Variants in PPP3CB observed in about 807,000 individuals in gnomAD.
PPP3CB encodes the protein serine/threonine-protein phosphatase 2B catalytic subunit beta isoform.
A neutral mutation model predicts 66.4 loss-of-function variants in PPP3CB; 8 were observed. The observed-to-expected ratio is 0.12, with a 90% CI of 0.07 to 0.22. The LOEUF (loss-of-function observed/expected upper bound fraction) is 0.22. Ranked by LOEUF, PPP3CB falls within the 10% of genes least tolerant of loss-of-function variation. PPP3CB has a pLI of 1.00. For synonymous variants in PPP3CB, 208 were observed against 221.2 expected, an observed-to-expected ratio of 0.94 and a Z score of 0.53; for missense variants, 319 against 642.5, an observed-to-expected ratio of 0.50 and a Z score of 5.44.
intron 12 of PPP3CB, among the ~76,000 whole-genome samples, chr10:73,440,449 TG>T (rs2056125439): frequency 6.6e-6 from 1 of 152,330 alleles, no homozygotes; most frequent in African/African-American, 2.4e-5. Context: ...AAACATAAGC[TG>T]CAAGAGCTGA....
rs1022815433 is a variant in PPP3CB, at chr10:73,495,967, G to A, written c.-78C>T. The stretch of plus-strand genomic sequence containing the variant: ...GCGGCGGCTACCAGAGCCAAGCGGC[G>A]GCGCCGCCGGGGAACATGGCGGACC... On this transcript the variant is annotated 5_prime_UTR_variant, in exon 1 of 14. Transcript: ENST00000360663. 23 of 939,968 alleles carry A rather than the reference G, an allele frequency of 2.4e-5. No individual in the cohort carries two copies. The African/African-American group carries it at 3.1e-4, about 13-fold the overall frequency. The allele number at this position is 939,968 out of a possible 1,614,324, so 58.2% of individuals were successfully genotyped here. A position where few individuals can be genotyped will look rare whatever the true frequency, so the allele number is the denominator to read the frequency against.
At chr10:73,481,507 A>G (rs1325984009) in intron 1 of PPP3CB, among the ~76,000 whole-genome samples, 1 of 151,260 alleles carries the variant, frequency 6.6e-6, no homozygotes, top group Non-Finnish European at 1.5e-5. Context: ...ATCTCTGAGC[A>G]TATAGTATAC....
In PPP3CB at chr10:73,463,035, G is replaced by A. The variant is rs181556347; in HGVS notation, c.1108+4518C>T. ...ATTCCAATGAACATGAAGAACAGCA[G>A]TAACCTGAGTAAAGGGTTGTTGTAA... On this transcript the variant is annotated intron_variant, in intron 9 of 13. Transcript: ENST00000360663. Among the ~76,000 whole-genome samples, 249 of 148,938 alleles carry A rather than the reference G, an allele frequency of 1.7e-3. 1 individual carries two copies. The highest frequency in any genetic ancestry group is 5.9e-3 in the African/African-American group (240 of 40,530).
At chr10:73,486,361 G>A (rs1401946841) in intron 1 of PPP3CB, among the ~76,000 whole-genome samples, 4 of 133,574 alleles carry the variant, frequency 3.0e-5, no homozygotes, top group Non-Finnish European at 4.7e-5. Flanking sequence ...GCTGGCGTGC[G>A]ATGGTGCAAT....
intron 1 of PPP3CB, 134 bp downstream of exon 1, chr10:73,495,671 G>A: frequency 3.7e-6 from 5 of 1,341,094 alleles, no homozygotes; most frequent in Admixed American, 3.0e-5. Flanking sequence ...CCCGCCCAGG[G>A]GCCACTCCCC....
intron 9 of PPP3CB, among the ~76,000 whole-genome samples, chr10:73,456,426 T>C (rs1378130542): frequency 6.6e-6 from 1 of 152,214 alleles, no homozygotes; most frequent in Non-Finnish European, 1.5e-5. Flanking sequence ...AACTAGGAGT[T>C]TGCCAAGTGG....
chr10:73,439,840 A>G, intron 13 of PPP3CB, 32 bp downstream of exon 13: 1 of 1,606,636 alleles, frequency 6.2e-7, no homozygotes, highest in Non-Finnish European at 8.5e-7. Context: ...CACACCACAG[A>G]TCTCTGCCCA....
chr10:73,471,758 G>A (rs1172869515), intron 4 of PPP3CB, 145 bp from the exon 5 acceptor site: 5 of 659,140 alleles, frequency 7.6e-6, no homozygotes, highest in Middle Eastern at 4.4e-4. Context: ...GATAGTTACA[G>A]TTTCAACTGT....
rs1394436638 is a variant in PPP3CB, at chr10:73,467,718, T to C, written c.983-40A>G. 1.2e-5 allele frequency: 17 copies of C among 1,471,196 alleles called. No homozygotes were observed. In the South Asian group the frequency reaches 2.2e-4, roughly 19 times the overall value. The allele number at this position is 1,471,196 out of a possible 1,614,324, so 91.1% of individuals were successfully genotyped here. ...GAACATCAATAACTTAATAGATAAG[T>C]AACTATTTGTCATTAGCCTTAAAAA... is the stretch of plus-strand genomic sequence containing the variant. On this transcript the variant is annotated intron_variant, in intron 8 of 13. Transcript: ENST00000360663.
chr10:73,466,383 G>A (rs927045271), intron 9 of PPP3CB, among the ~76,000 whole-genome samples: 2 of 152,006 alleles, frequency 1.3e-5, no homozygotes, highest in African/African-American at 4.8e-5. Context: ...TATCTTCCTG[G>A]CCCCTCCATC....
intron 4 of PPP3CB, among the ~76,000 whole-genome samples, chr10:73,473,294 C>T (rs1253654952): frequency 1.3e-5 from 2 of 152,070 alleles, no homozygotes; most frequent in Admixed American, 6.5e-5. Context: ...AGTCTCAAAA[C>T]GTTGAAATTA....
chr10:73,487,676 C>T (rs1182498240), intron 1 of PPP3CB, among the ~76,000 whole-genome samples: 1 of 150,808 alleles, frequency 6.6e-6, no homozygotes, highest in African/African-American at 2.4e-5. Context: ...ATTTATGTAG[C>T]AATGACAATA....
intron 9 of PPP3CB, among the ~76,000 whole-genome samples, chr10:73,464,553 T>C (rs1048736260): frequency 6.6e-6 from 1 of 152,172 alleles, no homozygotes; most frequent in Non-Finnish European, 1.5e-5. Flanking sequence ...CCTGAAAATG[T>C]TGTGAGTACA....
chr10:73,477,184 T>G (rs1233109088), intron 3 of PPP3CB: 2 of 518,810 alleles, frequency 3.9e-6, no homozygotes, highest in Non-Finnish European at 7.7e-6. Flanking sequence ...TGAGGATTAA[T>G]CGATATGTCT....
At position 73,467,682 on chromosome 10, in the gene PPP3CB, C is replaced by T. The variant is rs749028743; in HGVS notation, c.983-4G>A. The T allele has an allele frequency of 1.3e-6, 2 of 1,538,858 alleles. No homozygotes were observed. Among genetic ancestry groups the T allele is most frequent in the South Asian group, 2.4e-5 (2 of 82,104 alleles). ...TTTTCATACTTTAATACAGCAGCTG[C>T]AAGATAAGTTGAACATCAATAACTT... On this transcript the variant is annotated splice_region_variant and splice_polypyrimidine_tract_variant and intron_variant, in intron 8 of 13. Transcript: ENST00000360663.
chr10:73,466,197 G>T (rs532685251), intron 9 of PPP3CB, among the ~76,000 whole-genome samples: 1 of 152,260 alleles, frequency 6.6e-6, no homozygotes, highest in South Asian at 2.1e-4. Context: ...AAAACCCTAT[G>T]ATGCCCTGGT....
intron 4 of PPP3CB, among the ~76,000 whole-genome samples, chr10:73,472,346 T>G (rs2056715133): frequency 6.6e-6 from 1 of 151,910 alleles, no homozygotes; most frequent in Non-Finnish European, 1.5e-5. Context: ...AATACAAAAA[T>G]TAGCCAGGCA....
At chr10:73,488,783 C>G (rs937099861) in intron 1 of PPP3CB, among the ~76,000 whole-genome samples, 5 of 152,120 alleles carry the variant, frequency 3.3e-5, no homozygotes, top group African/African-American at 1.2e-4. Flanking sequence ...GTTAAGGTAT[C>G]ACCATTCTCT....
At chr10:73,446,408 CT>C in intron 11 of PPP3CB, 83 bp downstream of exon 11, 1 of 1,401,416 alleles carries the variant, frequency 7.1e-7, no homozygotes. Flanking sequence ...CCCCATTTTG[CT>C]TTTAGATGCG....
Sources: allele counts gnomAD v4.1 joint callset (sites outside exome capture counted in the v4.1 genomes callset), GRCh38; gene constraint gnomAD v4.1.1; transcripts MANE v1.5; gene names NCBI Gene and HGNC (gene_info 2026-07-23, HGNC 2026-07-21).